The following AIFM1 variants were observed in gnomAD, a reference collection of about 807,000 sequenced individuals.
AIFM1 encodes the protein apoptosis-inducing factor 1, mitochondrial.
AIFM1 carries 3 observed loss-of-function variants against 51.7 expected under a neutral mutation model. That is an observed-to-expected ratio of 0.06 (90% CI 0.03 to 0.15). The LOEUF (loss-of-function observed/expected upper bound fraction) is 0.15. Ranked by LOEUF, AIFM1 falls within the 10% of genes least tolerant of loss-of-function variation. The pLI is 1.00. For missense variants in AIFM1, 330 were observed against 476.8 expected, an observed-to-expected ratio of 0.69 and a Z score of 2.87; for synonymous variants, 178 against 179.4, an observed-to-expected ratio of 0.99 and a Z score of 0.06.
intron 11 of AIFM1, among the ~76,000 whole-genome samples, chrX:130,136,403 C>A (rs72614138): frequency 8.9e-6 from 1 of 112,258 alleles, no homozygotes; most frequent in Non-Finnish European, 1.9e-5. Context: ...GCCACCCTAG[C>A]CAGGACTCAA....
At chrX:130,137,948 G>C (rs1331401268) in intron 9 of AIFM1, 1 of 138,078 alleles carries the variant, frequency 7.2e-6, no homozygotes, top group Non-Finnish European at 1.3e-5. Flanking sequence ...TGTAATCCCA[G>C]CTACTCCAGA....
At position 130,129,415 on chromosome X, in the gene AIFM1, C is replaced by A; in HGVS notation, c.*142G>T. ...CACTATGTGAACATTAAGAATTTACCTACATAGTTGAAAATATTCACAAAG... is the reference window on the plus strand; with the variant it reads ...CACTATGTGAACATTAAGAATTTACATACATAGTTGAAAATATTCACAAAG... On this transcript the variant is annotated 3_prime_UTR_variant, in exon 16 of 16. Coordinates refer to ENST00000287295, the MANE Select transcript of AIFM1 (RefSeq NM_004208.4). 1 of 529,013 alleles carries A rather than the reference C, an allele frequency of 1.9e-6. No homozygotes were observed. The highest frequency in any genetic ancestry group is 3.4e-6 in the Non-Finnish European group (1 of 294,431). 43.6% of individuals were successfully genotyped at this position (529,013 alleles called of 1,213,427 possible). A position where few individuals can be genotyped will look rare whatever the true frequency, so the allele number is the denominator to read the frequency against.
In AIFM1 at chrX:130,132,521, C is replaced by T. The variant is rs191428919; in HGVS notation, c.1449-722G>A. Among the ~76,000 whole-genome samples the T allele has an allele frequency of 4.9e-3, 553 of 112,374 alleles. 1 individual carries two copies. The highest frequency in any genetic ancestry group is 7.5e-3 in the Non-Finnish European group (400 of 53,303). ...GATGTTTTATGGCTTCATTAACCTA[C>T]AGTATTTCCCCTTAGCCTCCACTTT... On this transcript the variant is annotated intron_variant, in intron 13 of 15. Transcript: ENST00000287295.
At chrX:130,130,919 G>A (rs1390560323) in intron 14 of AIFM1, among the ~76,000 whole-genome samples, 5 of 112,372 alleles carry the variant, frequency 4.4e-5, no homozygotes, top group African/African-American at 6.5e-5. Context: ...GTTACTAGGA[G>A]AGATCAGAAT....
rs759015293 is a variant in AIFM1 at position 130,165,821 on chromosome X, C to T, written c.-165G>A. 472 of 516,943 alleles carry T rather than the reference C, an allele frequency of 9.1e-4. 2 individuals are homozygous for T. The highest frequency in any genetic ancestry group is 1.6e-3 in the African/African-American group (70 of 43,611). 42.6% of individuals were successfully genotyped at this position (516,943 alleles called of 1,213,427 possible). A position where few individuals can be genotyped will look rare whatever the true frequency, so the allele number is the denominator to read the frequency against. On this transcript the variant is annotated 5_prime_UTR_variant, in exon 1 of 16. Transcript: ENST00000287295. ...GGCATTGGACAGAGAAGCCGGCCTG[C>T]TAGAGCCGGGGAAGGGGAACGGCGA...
At chrX:130,164,122 C>T (rs1214848824) in intron 1 of AIFM1, among the ~76,000 whole-genome samples, 22 of 103,241 alleles carry the variant, frequency 2.1e-4, no homozygotes, top group Non-Finnish European at 3.3e-4. Context: ...GAGCCGAGAT[C>T]GCGCCACTGC....
In AIFM1 at chrX:130,145,457, A is replaced by G. The variant is rs753884844; in HGVS notation, c.696+22T>C. 6 of 1,162,834 alleles carry G rather than the reference A, an allele frequency of 5.2e-6. No homozygotes were observed. The South Asian group carries it at 1.1e-4, about 21-fold the overall frequency. On this transcript the variant is annotated intron_variant, in intron 6 of 15. Transcript: ENST00000287295. ...TGGGCAAGTACGTAGAGCCTGACAA[A>G]AGAAGCGGTCTACTAGCTCACCTTC... is the stretch of plus-strand genomic sequence containing the variant.
Position 130,145,082 on chromosome X carries a change from C to CA in AIFM1, c.696+396dup, listed in dbSNP as rs527320618. ...CCTGCTAATAACTGACCTTATTACT[C>CA]AGACACTCACCTTTTAAAGTCTAAC... On this transcript the variant is annotated intron_variant, in intron 6 of 15. Coordinates refer to ENST00000287295, the MANE Select transcript of AIFM1 (RefSeq NM_004208.4). Among the ~76,000 whole-genome samples the CA allele has an allele frequency of 1.1e-4, 12 of 112,529 alleles. No individual in the cohort carries two copies. The South Asian group carries it at 2.2e-3, about 20-fold the overall frequency.
At chrX:130,135,439 T>TTTTA (rs33994471) in intron 12 of AIFM1, among the ~76,000 whole-genome samples, 7 of 72,968 alleles carry the variant, frequency 9.6e-5, no homozygotes, top group African/African-American at 4.1e-4. Context: ...TTTTTTTTTT[T>TTTTA]AAAAAAAAAA....
chrX:130,152,761 A>G (rs1302141065), intron 2 of AIFM1, among the ~76,000 whole-genome samples: 1 of 111,932 alleles, frequency 8.9e-6, no homozygotes, highest in Non-Finnish European at 1.9e-5. Context: ...TGCGAATCAG[A>G]AGTTCATATT....
chrX:130,133,655 G>T (rs2030201252), intron 12 of AIFM1, among the ~76,000 whole-genome samples, 200 bp from the exon 13 acceptor site: 1 of 109,165 alleles, frequency 9.2e-6, no homozygotes, highest in Non-Finnish European at 1.9e-5. Context: ...TTTAGACAGG[G>T]TCTCACTCTA....
chrX:130,150,907 G>A (rs1177758600), intron 2 of AIFM1, among the ~76,000 whole-genome samples: 1 of 92,187 alleles, frequency 1.1e-5, no homozygotes, highest in Admixed American at 1.3e-4. Context: ...CCCAGGAGGT[G>A]GAGGTTGCAG....
intron 10 of AIFM1, 105 bp downstream of exon 10, chrX:130,136,973 C>A: frequency 8.4e-7 from 1 of 1,196,190 alleles, no homozygotes; most frequent in Non-Finnish European, 1.1e-6. Context: ...ATTTTACAGG[C>A]CAGGTGATAG....
intron 1 of AIFM1, among the ~76,000 whole-genome samples, chrX:130,161,684 C>T (rs770222298): frequency 2.9e-5 from 3 of 103,859 alleles, no homozygotes; most frequent in South Asian, 4.7e-4. Context: ...CTCGGTTCAC[C>T]GCAACCTCCA....
In AIFM1 at chrX:130,165,734, G is replaced by C; in HGVS notation, c.-78C>G. 1.2e-6 allele frequency: 1 copy of C among 844,563 alleles called. No individual in the cohort carries two copies. Among genetic ancestry groups the C allele is most frequent in the East Asian group, 3.4e-5 (1 of 29,316 alleles). 69.6% of individuals were successfully genotyped at this position (844,563 alleles called of 1,213,427 possible). A position where few individuals can be genotyped will look rare whatever the true frequency, so the allele number is the denominator to read the frequency against. ...CGACGGGTCAAACACCGTGAGCCCC[G>C]GCCAGCTCCCCCAGTCTCTTCACAC... On this transcript the variant is annotated 5_prime_UTR_variant, in exon 1 of 16. Coordinates refer to ENST00000287295, the MANE Select transcript of AIFM1 (RefSeq NM_004208.4).
chrX:130,129,652 G>T (rs1448390872), intron 15 of AIFM1, 24 bp from the exon 16 acceptor site: 17 of 1,183,864 alleles, frequency 1.4e-5, no homozygotes, highest in Non-Finnish European at 2.0e-5. Context: ...AGTAACAATA[G>T]GTCCCTAACT....
At chrX:130,131,321 TGAAA>T (rs2030068691) in intron 14 of AIFM1, among the ~76,000 whole-genome samples, 2 of 112,061 alleles carry the variant, frequency 1.8e-5, no homozygotes, top group Admixed American at 9.5e-5. Flanking sequence ...AAATGACAAC[TGAAA>T]GAAAGAAAAA....
intron 1 of AIFM1, 82 bp downstream of exon 1, chrX:130,165,469 C>G: frequency 1.2e-6 from 1 of 828,079 alleles, no homozygotes; most frequent in East Asian, 3.4e-5. Context: ...CGCGGGGACG[C>G]GGGGGTAGAG....
At chrX:130,153,046 G>A (rs1394978490) in intron 2 of AIFM1, among the ~76,000 whole-genome samples, 3 of 110,383 alleles carry the variant, frequency 2.7e-5, no homozygotes. Context: ...AAAGTCGACA[G>A]TTTAGGCTGG....
Sources: gnomAD v4.1 joint callset for allele counts (sites outside exome capture counted in the v4.1 genomes callset) on GRCh38, gnomAD v4.1.1 for gene constraint, MANE v1.5 for transcripts, NCBI Gene and HGNC (gene_info 2026-07-23, HGNC 2026-07-21) for gene names.